Variants in PRH1 observed in about 807,000 individuals in gnomAD.
PRH1 encodes salivary acidic proline-rich phosphoprotein 1/2.
In PRH1, 7 loss-of-function variants were observed where a neutral mutation model predicts 7.9. That is an observed-to-expected ratio of 0.89 (90% CI 0.50 to 1.67). The LOEUF (loss-of-function observed/expected upper bound fraction) is 1.67, where lower values mean the gene tolerates loss of function less well. Ranked by LOEUF, PRH1 falls within the 40% of genes most tolerant of loss-of-function variation. The probability of loss-of-function intolerance (pLI) is 0.00; values close to 1 mark genes in which losing one functional copy is unlikely to be tolerated. For missense variants in PRH1, 109 were observed against 223.6 expected, an observed-to-expected ratio of 0.49 and a Z score of 3.27; for synonymous variants, 45 against 80.8, an observed-to-expected ratio of 0.56 and a Z score of 2.38.
Position 11,016,677 on chromosome 12 carries a change from G to A in PRH1, c.-126+30343C>T, listed in dbSNP as rs1377722475. On this transcript the variant is annotated intron_variant, in intron 1 of 3. Coordinates refer to the PRH1 transcript ENST00000539853. ...TTTTGAAGGTCAGATGCTACCTAGA[G>A]TTTTGACTCATGTCCATCCCAAGGT... Among the ~76,000 whole-genome samples, 3 of 152,218 alleles carry A rather than the reference G, an allele frequency of 2.0e-5. No individual in the cohort carries two copies. In the South Asian group the frequency reaches 6.2e-4, roughly 31 times the overall value.
intron 2 of PRH1, among the ~76,000 whole-genome samples, chr12:10,902,895 A>C (rs1029449679): frequency 2.0e-5 from 3 of 152,176 alleles, no homozygotes; most frequent in African/African-American, 4.8e-5. Flanking sequence ...AAAATCTGCT[A>C]CCAAAATAGC....
At chr12:11,022,552 A>C (rs1243648336) in intron 1 of PRH1, 1 of 1,610,694 alleles carries the variant, frequency 6.2e-7, no homozygotes, top group Non-Finnish European at 8.5e-7. Context: ...TGATGAAATG[A>C]TGAGCAGAAA....
downstream of PRH1, among the ~76,000 whole-genome samples, chr12:11,120,191 G>A (rs945166223): frequency 1.5e-4 from 23 of 152,184 alleles, no homozygotes; most frequent in African/African-American, 5.1e-4. Context: ...TGTTATGAAA[G>A]GTAATGGAAT....
chr12:11,158,630 T>C (rs1039646021), intron 1 of PRH1, among the ~76,000 whole-genome samples: 5 of 152,186 alleles, frequency 3.3e-5, no homozygotes, highest in Non-Finnish European at 4.4e-5. Flanking sequence ...TGAGAAAATA[T>C]GGTTAGTGAA....
intron 1 of PRH1, among the ~76,000 whole-genome samples, chr12:10,982,548 G>C (rs1193998491): frequency 6.6e-6 from 1 of 152,208 alleles, no homozygotes; most frequent in East Asian, 1.9e-4. Flanking sequence ...GCTTTGGTGT[G>C]GTAAAAACAA....
chr12:10,938,242 T>A, intron 2 of PRH1: 1 of 1,525,408 alleles, frequency 6.6e-7, no homozygotes, highest in Non-Finnish European at 8.8e-7. Context: ...AGCTATTTTT[T>A]TTCTAATATA....
chr12:11,166,908 C>T (rs939789641), intron 1 of PRH1, among the ~76,000 whole-genome samples: 41 of 152,246 alleles, frequency 2.7e-4, no homozygotes, highest in African/African-American at 8.9e-4. Context: ...TACCTGCAGA[C>T]CTTGGTTTGG....
rs1300539650 is a variant in PRH1, at chr12:11,087,970, T to C, written n.124-40782A>G. Among the ~76,000 whole-genome samples, 7 of 118,204 alleles carry C rather than the reference T, an allele frequency of 5.9e-5. 2 individuals carry two copies. The highest frequency in any genetic ancestry group is 1.4e-4 in the Non-Finnish European group (7 of 49,694). The allele number at this position is 118,204 out of a possible 152,430, so 77.5% of individuals were successfully genotyped here. On this transcript the variant is annotated intron_variant and non_coding_transcript_variant, in intron 1 of 4. Transcript: ENST00000541977. Reference sequence around the variant, plus strand: ...TATAATAATAATAACACTGTCACTGTTTTATATCATGGCTATGTCACTTCT... The same window carrying C: ...TATAATAATAATAACACTGTCACTGCTTTATATCATGGCTATGTCACTTCT...
intron 1 of PRH1, among the ~76,000 whole-genome samples, chr12:11,003,619 AGTTATAATTTCTTTTATAAAAT>A (rs1342262257): frequency 6.6e-6 from 1 of 151,930 alleles, no homozygotes; most frequent in Non-Finnish European, 1.5e-5. Flanking sequence ...TTTTATGAGA[AGTTATAATTTCTTTTATAAAAT>A]GTTATAATTT....
chr12:11,067,126 G>T (rs1395236660), intron 1 of PRH1, among the ~76,000 whole-genome samples: 1 of 152,076 alleles, frequency 6.6e-6, no homozygotes, highest in Non-Finnish European at 1.5e-5. Flanking sequence ...AGTGAAAGTA[G>T]CATTATATAT....
intron 1 of PRH1, among the ~76,000 whole-genome samples, chr12:11,037,559 G>A (rs1165954775): frequency 2.0e-5 from 3 of 152,104 alleles, no homozygotes; most frequent in African/African-American, 4.8e-5. Flanking sequence ...AATATCCATC[G>A]TAGTATAATT....
upstream of PRH1, among the ~76,000 whole-genome samples, chr12:10,889,090 C>T (rs182037991): frequency 1.3e-3 from 203 of 152,266 alleles, no homozygotes; most frequent in African/African-American, 4.5e-3. Flanking sequence ...CCACTTTCCC[C>T]CTTTCTCTTA....
chr12:11,167,167 G>A (rs775187087), intron 1 of PRH1, among the ~76,000 whole-genome samples: 8 of 152,162 alleles, frequency 5.3e-5, no homozygotes, highest in South Asian at 2.1e-4. Context: ...CTCCTATACC[G>A]TGTACCATAA....
intron 1 of PRH1, chr12:11,061,223 C>T (rs1285419048): frequency 9.6e-6 from 11 of 1,142,762 alleles, no homozygotes; most frequent in East Asian, 2.7e-5. Context: ...TTTAGACTAA[C>T]GTTAGGTAAA....
intron 2 of PRH1, 108 bp downstream of exon 2, chr12:10,882,953 A>G (rs953703755): frequency 3.3e-6 from 5 of 1,496,204 alleles, no homozygotes; most frequent in African/African-American, 2.8e-5. Flanking sequence ...GGGCATTGGT[A>G]TTAGCCAATT....
At chr12:11,102,306 T>C (rs376201392) in intron 1 of PRH1, among the ~76,000 whole-genome samples, 102 of 152,240 alleles carry the variant, frequency 6.7e-4, no homozygotes, top group African/African-American at 2.2e-3. Context: ...TACAAGGCTA[T>C]AGTAACCAAA....
At position 10,931,024 on chromosome 12, in the gene PRH1, C is replaced by T. The variant is rs374107851; in HGVS notation, c.-59+42631G>A. On this transcript the variant is annotated intron_variant, in intron 2 of 3. Coordinates refer to the PRH1 transcript ENST00000539853. ...CCAGGGACCACCTCCCCAAGGGGGC[C>T]GCCCACAAGGACCTCCACAGGGGCA... 2.9e-5 allele frequency: 46 copies of T among 1,592,714 alleles called. No homozygotes were observed. Among genetic ancestry groups the T allele is most frequent in the South Asian group, 3.4e-5 (3 of 87,086 alleles).
intron 2 of PRH1, among the ~76,000 whole-genome samples, chr12:10,904,682 AC>A (rs1482828505): frequency 1.3e-5 from 2 of 152,174 alleles, no homozygotes; most frequent in Non-Finnish European, 2.9e-5. Flanking sequence ...GACAAGTGGG[AC>A]CTAATTAAAC....
chr12:10,973,201 A>C (rs968246241), intron 2 of PRH1: 1 of 152,172 alleles, frequency 6.6e-6, no homozygotes, highest in Non-Finnish European at 1.5e-5. Context: ...TTCCTTGAGC[A>C]CTTAAAAAAC....
Sources: allele counts gnomAD v4.1 joint callset (sites outside exome capture counted in the v4.1 genomes callset), GRCh38; gene constraint gnomAD v4.1.1; transcripts MANE v1.5; gene names NCBI Gene and HGNC (gene_info 2026-07-23, HGNC 2026-07-21).